The following KCTD16 variants were observed in gnomAD, a reference collection of about 807,000 sequenced individuals.
The protein encoded by KCTD16 is potassium channel tetramerization domain containing 16.
In KCTD16, 13 loss-of-function variants were observed where a neutral mutation model predicts 33.2. The observed-to-expected ratio is 0.39, with a 90% CI of 0.25 to 0.62. The LOEUF is 0.62. Ranked by LOEUF, KCTD16 falls within the 20% of genes least tolerant of loss-of-function variation. The pLI is 0.50. For missense variants in KCTD16, 441 were observed against 525.1 expected (o/e 0.84, Z 1.57); for synonymous variants, 197 against 195.3 (o/e 1.01, Z -0.07).
rs1414563953 is a variant in KCTD16 at position 144,483,471 on chromosome 5, C to T, written c.*9357C>T. The T allele has an allele frequency of 2.0e-5, 3 of 151,812 alleles. No homozygotes were observed. Among genetic ancestry groups the T allele is most frequent in the Non-Finnish European group, 4.4e-5 (3 of 67,900 alleles). The allele number at this position is 151,812 out of a possible 1,614,324, so 9.4% of individuals were successfully genotyped here. A position where few individuals can be genotyped will look rare whatever the true frequency, so the allele number is the denominator to read the frequency against. The stretch of plus-strand genomic sequence containing the variant: ...TGTAATAATCACAAAGTTTTAGTCT[C>T]CTGCAAATAACACTTGAAGTCTGTT... On this transcript the variant is annotated 3_prime_UTR_variant, in exon 4 of 4. Transcript: ENST00000512467.
At chr5:144,372,543 T>A (rs1467097235) in intron 3 of KCTD16, among the ~76,000 whole-genome samples, 7 of 152,140 alleles carry the variant, frequency 4.6e-5, no homozygotes, top group Non-Finnish European at 1.0e-4. Flanking sequence ...CCATGATATG[T>A]TACAAGGTTC....
At chr5:144,176,828 A>G (rs1468542125) in intron 2 of KCTD16, among the ~76,000 whole-genome samples, 1 of 151,752 alleles carries the variant, frequency 6.6e-6, no homozygotes, top group Non-Finnish European at 1.5e-5. Flanking sequence ...TACTTTTTCT[A>G]TTTTTCTGTT....
intron 3 of KCTD16, among the ~76,000 whole-genome samples, chr5:144,309,651 C>T (rs1255470098): frequency 6.6e-6 from 1 of 152,108 alleles, no homozygotes; most frequent in East Asian, 1.9e-4. Flanking sequence ...GAATAGACCT[C>T]AAAGGCATAA....
intron 3 of KCTD16, among the ~76,000 whole-genome samples, chr5:144,412,689 C>G (rs1752958805): frequency 6.6e-6 from 1 of 152,092 alleles, no homozygotes; most frequent in Non-Finnish European, 1.5e-5. Flanking sequence ...AGTTCAAGAC[C>G]AGCCTGGCCA....
Position 144,473,754 on chromosome 5 carries a change from C to A in KCTD16, c.927C>A (p.Asp309Glu). ...GGGAGAGCGGCACGTCTTGCAATGA[C>A]CTCTCCACATCTAGCTGCGACAGCC... ...KEGESGTSCN[D>E]LSTSSCDSQS... Residue 309 changes from aspartate (D) to glutamate (E), a missense_variant, in exon 4 of 4, where the codon GAC (aspartate) becomes GAA (glutamate). Asp to Glu is a conservative substitution (Grantham distance 45). Transcript: ENST00000512467. The A allele has an allele frequency of 6.2e-7, 1 of 1,614,102 alleles. No individual in the cohort carries two copies. Among genetic ancestry groups the A allele is most frequent in the Middle Eastern group, 1.7e-4 (1 of 6,060 alleles).
At chr5:144,344,315 T>C (rs1319757428) in intron 3 of KCTD16, among the ~76,000 whole-genome samples, 2 of 150,468 alleles carry the variant, frequency 1.3e-5, no homozygotes. Context: ...ACTTCATGTC[T>C]AAAACACCAA....
intron 3 of KCTD16, among the ~76,000 whole-genome samples, chr5:144,313,054 G>C (rs1191646763): frequency 1.3e-5 from 2 of 152,168 alleles, no homozygotes; most frequent in African/African-American, 4.8e-5. Flanking sequence ...GAAGAAAAAA[G>C]TTATTAAAAG....
At chr5:144,286,731 G>T (rs1755755950) in intron 3 of KCTD16, among the ~76,000 whole-genome samples, 1 of 152,028 alleles carries the variant, frequency 6.6e-6, no homozygotes, top group Non-Finnish European at 1.5e-5. Context: ...TTAATTTTAA[G>T]AATATTGCAA....
intron 3 of KCTD16, among the ~76,000 whole-genome samples, chr5:144,226,736 C>G (rs1753942908): frequency 6.6e-6 from 1 of 152,058 alleles, no homozygotes; most frequent in Non-Finnish European, 1.5e-5. Flanking sequence ...CCACACCAAG[C>G]TAATTTTTGT....
chr5:144,343,669 G>A (rs1005654734), intron 3 of KCTD16, among the ~76,000 whole-genome samples: 1 of 152,090 alleles, frequency 6.6e-6, no homozygotes, highest in African/African-American at 2.4e-5. Context: ...TAATTGTGAT[G>A]TTAGGGTGTC....
At chr5:144,331,631 A>G (rs1752360928) in intron 3 of KCTD16, among the ~76,000 whole-genome samples, 1 of 152,150 alleles carries the variant, frequency 6.6e-6, no homozygotes, top group Non-Finnish European at 1.5e-5. Flanking sequence ...GAAGACTCTG[A>G]GCTCTCTTAA....
At chr5:144,235,651 T>C (rs1359636179) in intron 3 of KCTD16, among the ~76,000 whole-genome samples, 2 of 152,044 alleles carry the variant, frequency 1.3e-5, no homozygotes, top group Non-Finnish European at 2.9e-5. Context: ...AATATTACCT[T>C]TTATTATTAT....
intron 3 of KCTD16, among the ~76,000 whole-genome samples, chr5:144,351,490 G>T (rs1177214923): frequency 6.6e-6 from 1 of 152,118 alleles, no homozygotes; most frequent in Non-Finnish European, 1.5e-5. Flanking sequence ...AAAGAATATG[G>T]AGGTTCCTTA....
chr5:144,337,775 A>T (rs970682379), intron 3 of KCTD16, among the ~76,000 whole-genome samples: 3 of 152,146 alleles, frequency 2.0e-5, no homozygotes, highest in Admixed American at 2.0e-4. Context: ...TTTTAGAGAG[A>T]GTAGCCCTGA....
intron 3 of KCTD16, among the ~76,000 whole-genome samples, chr5:144,224,716 C>T (rs1249849887): frequency 6.6e-6 from 1 of 152,162 alleles, no homozygotes; most frequent in Non-Finnish European, 1.5e-5. Flanking sequence ...TGAAATCCTC[C>T]TGACTCCAGA....
chr5:144,242,510 AG>A (rs1362472344), intron 3 of KCTD16, among the ~76,000 whole-genome samples: 1 of 152,202 alleles, frequency 6.6e-6, no homozygotes, highest in Non-Finnish European at 1.5e-5. Context: ...TAATTCATAC[AG>A]TCAATACTAA....
At chr5:144,362,353 A>G (rs772472311) in intron 3 of KCTD16, among the ~76,000 whole-genome samples, 3 of 152,188 alleles carry the variant, frequency 2.0e-5, no homozygotes, top group African/African-American at 7.2e-5. Context: ...TTTGAATATA[A>G]TTCAGTAACG....
Position 144,207,294 on chromosome 5 carries a change from G to T in KCTD16, c.580G>T (p.Val194Phe). The T allele has an allele frequency of 6.2e-7, 1 of 1,614,222 alleles. No homozygotes were observed. Among genetic ancestry groups the T allele is most frequent in the Non-Finnish European group, 8.5e-7 (1 of 1,180,042 alleles). Residue 194 changes from valine (V) to phenylalanine (F), a missense_variant, in exon 3 of 4, where the codon GTT becomes TTT. Physicochemically the swap from Val to Phe is conservative, Grantham distance 50. Coordinates refer to ENST00000512467, the MANE Select transcript of KCTD16 (RefSeq NM_020768.4). ...GTTTCGGAGAGTTCCCCGGATTTTG[G>T]TTTGTGGAAGGATTTCCTTGGCAAA... ...AKFRRVPRIL[V>F]CGRISLAKEV...
At chr5:144,426,193 C>A (rs1753324855) in intron 3 of KCTD16, among the ~76,000 whole-genome samples, 1 of 152,152 alleles carries the variant, frequency 6.6e-6, no homozygotes, top group South Asian at 2.1e-4. Flanking sequence ...TTCTATCAAG[C>A]CCTAGGGCAT....
Sources: gnomAD v4.1 joint callset for allele counts (sites outside exome capture counted in the v4.1 genomes callset) on GRCh38, gnomAD v4.1.1 for gene constraint, MANE v1.5 for transcripts, NCBI Gene and HGNC (gene_info 2026-07-23, HGNC 2026-07-21) for gene names.